DEF6: variants seen among roughly 807,000 people sequenced by gnomAD.
DEF6 encodes the protein DEF6 guanine nucleotide exchange factor, also known as differentially expressed in FDCP 6 homolog.
Under a neutral mutation model 80.5 loss-of-function variants are expected in DEF6, and 32 were observed. The observed-to-expected ratio is 0.40, with a 90% CI of 0.30 to 0.53. The LOEUF is 0.53. DEF6 is among the 20% of genes least tolerant of loss of function. The pLI, the probability that DEF6 is intolerant of heterozygous loss-of-function variation, is 0.57. For synonymous variants in DEF6, 300 were observed against 337.9 expected (o/e 0.89, Z 1.23); for missense variants, 575 against 818.7 (o/e 0.70, Z 3.63).
At chr6:35,309,021 A>G (rs1791428927) in intron 1 of DEF6, among the ~76,000 whole-genome samples, 1 of 152,130 alleles carries the variant, frequency 6.6e-6, no homozygotes, top group Admixed American at 6.5e-5. Flanking sequence ...TCTCCATGTC[A>G]TGGACCATTT....
At chr6:35,303,529 G>GA (rs1011260220) in intron 1 of DEF6, among the ~76,000 whole-genome samples, 3 of 152,106 alleles carry the variant, frequency 2.0e-5, no homozygotes, top group Admixed American at 2.0e-4. Flanking sequence ...ATACCACAGT[G>GA]AAAAAAACGC....
chr6:35,301,500 G>A (rs1035333545), intron 1 of DEF6, among the ~76,000 whole-genome samples: 2 of 152,132 alleles, frequency 1.3e-5, no homozygotes, highest in African/African-American at 4.8e-5. Flanking sequence ...TGTACCTCAA[G>A]TAGGTAAAAT....
At chr6:35,310,210 C>T (rs751115513) in intron 2 of DEF6, among the ~76,000 whole-genome samples, 3 of 152,112 alleles carry the variant, frequency 2.0e-5, no homozygotes, top group Non-Finnish European at 2.9e-5. Flanking sequence ...CCTTCTTTGT[C>T]CTCTGGGCTG....
intron 9 of DEF6, 64 bp downstream of exon 9, chr6:35,320,081 G>C: frequency 6.7e-7 from 1 of 1,490,048 alleles, no homozygotes; most frequent in Non-Finnish European, 9.1e-7. Flanking sequence ...ACAGGCTCTG[G>C]AGCCAGGCTG....
chr6:35,312,187 C>G lies in DEF6; in HGVS notation c.424-115C>G. 2.3e-6 allele frequency: 2 copies of G among 852,014 alleles called. No individual in the cohort carries two copies. Among genetic ancestry groups the G allele is most frequent in the Non-Finnish European group, 3.7e-6 (2 of 544,480 alleles). The allele number at this position is 852,014 out of a possible 1,614,324, so 52.8% of individuals were successfully genotyped here. On this transcript the variant is annotated intron_variant, in intron 3 of 10. Coordinates refer to ENST00000316637, the MANE Select transcript of DEF6 (RefSeq NM_022047.4). The surrounding 1 kb of genome is among the most constrained non-coding windows in gnomAD (Gnocchi z 6.6). ...ATTCGGTCCTCTGGCCCCCTCAACG[C>G]TCTGTCCCCTGTTTCCCTCTGCCCA... is the stretch of plus-strand genomic sequence containing the variant.
intron 5 of DEF6, 39 bp from the exon 6 acceptor site, chr6:35,317,852 G>T: frequency 6.3e-7 from 1 of 1,588,784 alleles, no homozygotes. Context: ...CCCTGACCCA[G>T]TGAGGCCAGC....
At position 35,317,908 on chromosome 6, in the gene DEF6, C is replaced by T; in HGVS notation, c.825C>T (p.Asp275=). 6.2e-7 allele frequency: 1 copy of T among 1,613,708 alleles called. No homozygotes were observed. The highest frequency in any genetic ancestry group is 8.5e-7 in the Non-Finnish European group (1 of 1,179,928). The change falls in exon 6 of 11, where the codon GAC becomes GAT. Residue 275 remains aspartate, a synonymous_variant. Coordinates refer to ENST00000316637, the MANE Select transcript of DEF6 (RefSeq NM_022047.4). ...TGTGCCAGGTGCTGCCAGACCGCGA[C>T]GGAAAGCGCTGCATGTTCTGTGTGA... is the stretch of plus-strand genomic sequence containing the variant. The part of the protein sequence containing the change: ...HCCVEVLPDR[D]GKRCMFCVKT...
intron 1 of DEF6, among the ~76,000 whole-genome samples, chr6:35,308,369 CGA>C (rs1562147851): frequency 1.6e-4 from 20 of 127,668 alleles, no homozygotes; most frequent in Admixed American, 3.3e-4. Flanking sequence ...CTGTCTCTAC[CGA>C]AAAAAAAAAA....
Position 35,319,528 on chromosome 6 carries a change from G to A in DEF6, c.1220G>A (p.Arg407Gln), listed in dbSNP as rs1369417593. 6 of 1,570,982 alleles carry A rather than the reference G, an allele frequency of 3.8e-6. No homozygotes were observed. Among genetic ancestry groups the A allele is most frequent in the East Asian group, 4.7e-5 (2 of 42,832 alleles). Residue 407 changes from arginine (R) to glutamine (Q), a missense_variant, in exon 8 of 11, where the codon CGG (arginine) becomes CAG (glutamine). Arg to Gln is a conservative substitution (Grantham distance 43, BLOSUM62 1). Coordinates refer to ENST00000316637, the MANE Select transcript of DEF6 (RefSeq NM_022047.4). This position sits in a 1 kb window ranked among gnomAD's most constrained non-coding sequence, Gnocchi z 4.5. ...EGQLREAEQA[R>Q]ASMQAEMELK... The stretch of plus-strand genomic sequence containing the variant: ...CACCACCTCCCCCCTCCACAGGCCC[G>A]GGCCTCCATGCAGGCTGAGATGGAG...
intron 1 of DEF6, among the ~76,000 whole-genome samples, chr6:35,300,408 C>T (rs1463804658): frequency 1.3e-5 from 2 of 152,084 alleles, no homozygotes; most frequent in African/African-American, 4.8e-5. Context: ...CAAGATGTGT[C>T]GGTGCGTGAC....
At position 35,319,998 on chromosome 6, in the gene DEF6, G is replaced by C; in HGVS notation, c.1562G>C (p.Arg521Thr). ...QLEEVRQNRQRADEDVEAAQR... is the reference protein window; with the variant it reads ...QLEEVRQNRQTADEDVEAAQR... ...GAGGAGGTGCGGCAGAACCGGCAGAGGGCTGACGAGGATGTGGAGGTGAGG... is the reference window on the plus strand; with the variant it reads ...GAGGAGGTGCGGCAGAACCGGCAGACGGCTGACGAGGATGTGGAGGTGAGG... Residue 521 changes from arginine (R) to threonine (T), a missense_variant, in exon 9 of 11, where the codon AGG (arginine) becomes ACG (threonine). By Grantham distance (71) the Arg-to-Thr change is moderately conservative. Transcript: ENST00000316637. This position sits in a 1 kb window ranked among gnomAD's most constrained non-coding sequence, Gnocchi z 4.5. The C allele has an allele frequency of 6.4e-7, 1 of 1,562,152 alleles. No individual in the cohort carries two copies. The highest frequency in any genetic ancestry group is 8.7e-7 in the Non-Finnish European group (1 of 1,152,480).
Position 35,320,732 on chromosome 6 carries a change from T to C in DEF6, c.1582-152T>C, listed in dbSNP as rs1383178384. 3 of 627,490 alleles carry C rather than the reference T, an allele frequency of 4.8e-6. No individual in the cohort carries two copies. The African/African-American group carries it at 5.5e-5, about 12-fold the overall frequency. The allele number at this position is 627,490 out of a possible 1,614,324, so 38.9% of individuals were successfully genotyped here. A position where few individuals can be genotyped will look rare whatever the true frequency, so the allele number is the denominator to read the frequency against. On this transcript the variant is annotated intron_variant, in intron 9 of 10. Transcript: ENST00000316637. Reference sequence around the variant, plus strand: ...TGGAGGCAAACTCTATTCATGTATGTATTAATAACTCTATGAGCATATATG... The same window carrying C: ...TGGAGGCAAACTCTATTCATGTATGCATTAATAACTCTATGAGCATATATG...
intron 1 of DEF6, among the ~76,000 whole-genome samples, chr6:35,309,129 T>A (rs1297179060): frequency 6.6e-6 from 1 of 152,152 alleles, no homozygotes; most frequent in Non-Finnish European, 1.5e-5. Context: ...ATGGAAACCA[T>A]GATAAATTGG....
intron 1 of DEF6, among the ~76,000 whole-genome samples, chr6:35,298,383 C>T (rs1210634644): frequency 1.3e-5 from 2 of 152,098 alleles, no homozygotes; most frequent in East Asian, 3.9e-4. Flanking sequence ...CAGTCATTTC[C>T]TCTGGAGCTG....
rs1791481847 is a variant in DEF6 at position 35,312,555 on chromosome 6, A to G, written c.660+17A>G. The stretch of plus-strand genomic sequence containing the variant: ...CTGAAGCAGGTCAGGCAAGCTGGGA[A>G]CTAGGGGAAGCACACAAGGTGCAGG... On this transcript the variant is annotated intron_variant, in intron 4 of 10. Coordinates refer to ENST00000316637, the MANE Select transcript of DEF6 (RefSeq NM_022047.4). The surrounding 1 kb of genome is among the most constrained non-coding windows in gnomAD (Gnocchi z 6.6). 1 of 1,613,826 alleles carries G rather than the reference A, an allele frequency of 6.2e-7. No individual in the cohort carries two copies. The highest frequency in any genetic ancestry group is 1.3e-5 in the African/African-American group (1 of 74,936).
rs116225007 is a variant in DEF6, at chr6:35,316,352, G to A, written c.808-1539G>A. Among the ~76,000 whole-genome samples the A allele has an allele frequency of 4.9e-3, 748 of 152,214 alleles. 2 individuals are homozygous for A. Among genetic ancestry groups the A allele is most frequent in the Middle Eastern group, 0.014 (4 of 294 alleles). On this transcript the variant is annotated intron_variant, in intron 5 of 10. Coordinates refer to ENST00000316637, the MANE Select transcript of DEF6 (RefSeq NM_022047.4). ...AGAAGACCATGCCATCTGCAAACAAGGCTAATCTGACTTCTTCATTTCCAG... is the reference window on the plus strand; with the variant it reads ...AGAAGACCATGCCATCTGCAAACAAAGCTAATCTGACTTCTTCATTTCCAG...
rs748470693 is a variant in DEF6 at position 35,318,355 on chromosome 6, C to T, written c.1099C>T (p.Leu367=). 7.1e-6 allele frequency: 11 copies of T among 1,542,336 alleles called. No individual in the cohort carries two copies. Among genetic ancestry groups the T allele is most frequent in the Non-Finnish European group, 9.6e-6 (11 of 1,146,198 alleles). The part of the protein sequence containing the change: ...KERKLQELEL[L]QEAQRQAERL... ...GCGGAAGCTGCAGGAGCTGGAGCTGCTGCAGGAGGCGCAGCGGCAGGCCGA... is the reference window on the plus strand; with the variant it reads ...GCGGAAGCTGCAGGAGCTGGAGCTGTTGCAGGAGGCGCAGCGGCAGGCCGA... The change falls in exon 7 of 11, where the codon CTG becomes TTG. Residue 367 remains leucine (L), a synonymous_variant. Coordinates refer to ENST00000316637, the MANE Select transcript of DEF6 (RefSeq NM_022047.4). This position sits in a 1 kb window ranked among gnomAD's most constrained non-coding sequence, Gnocchi z 5.1.
chr6:35,318,502 A>T lies in DEF6; in HGVS notation c.1215+31A>T. 1 of 1,367,450 alleles carries T rather than the reference A, an allele frequency of 7.3e-7. No homozygotes were observed. Among genetic ancestry groups the T allele is most frequent in the Non-Finnish European group, 9.4e-7 (1 of 1,068,694 alleles). 84.7% of individuals were successfully genotyped at this position (1,367,450 alleles called of 1,614,324 possible). On this transcript the variant is annotated intron_variant, in intron 7 of 10. Coordinates refer to ENST00000316637, the MANE Select transcript of DEF6 (RefSeq NM_022047.4). This position sits in a 1 kb window ranked among gnomAD's most constrained non-coding sequence, Gnocchi z 5.1. ...GTTAGCTCCCGGCGCCGGGGACGGG[A>T]CCGGTGGGCTGGGAGGCTGGCCAGG... is the stretch of plus-strand genomic sequence containing the variant.
rs772413555 is a variant in DEF6 at position 35,319,594 on chromosome 6, A to G, written c.1286A>G (p.Lys429Arg). Residue 429 changes from lysine to arginine, a missense_variant, in exon 8 of 11, where the codon AAG becomes AGG. Transcript: ENST00000316637. This position sits in a 1 kb window ranked among gnomAD's most constrained non-coding sequence, Gnocchi z 4.5. ...EEAARQRQRI[K>R]ELEEMQQRLQ... ...GCTGCCCGGCAGCGGCAGCGCATCA[A>G]GGAGCTGGAGGAGATGCAGCAGCGG... 4.3e-6 allele frequency: 7 copies of G among 1,614,070 alleles called. No individual in the cohort carries two copies. Among genetic ancestry groups the G allele is most frequent in the Non-Finnish European group, 5.1e-6 (6 of 1,179,992 alleles).
Sources: gnomAD v4.1 joint callset for allele counts (sites outside exome capture counted in the v4.1 genomes callset) on GRCh38, gnomAD v4.1.1 for gene constraint, Gnocchi (gnomAD v3.1) non-coding constraint, MANE v1.5 for transcripts, NCBI Gene and HGNC (gene_info 2026-07-23, HGNC 2026-07-21) for gene names.